Variants in PDE5A observed in about 807,000 individuals in gnomAD.
PDE5A encodes the protein cGMP-specific 3',5'-cyclic phosphodiesterase.
A neutral mutation model predicts 110.2 loss-of-function variants in PDE5A; 67 were observed. The observed-to-expected ratio is 0.61, with a 90% CI of 0.50 to 0.75. The LOEUF (loss-of-function observed/expected upper bound fraction) is 0.75. Ranked by LOEUF, PDE5A falls within the 30% of genes least tolerant of loss-of-function variation. The pLI is 0.00. For synonymous variants in PDE5A, 328 were observed against 351.2 expected (o/e 0.93, Z 0.74); for missense variants, 862 against 1,045.1 (o/e 0.82, Z 2.42).
At chr4:119,501,939 G>A (rs80223330) in intron 19 of PDE5A, among the ~76,000 whole-genome samples, 19,267 of 151,914 alleles carry the variant, frequency 0.13, 1,518 homozygotes, top group East Asian at 0.28. Context: ...ATTACAAACA[G>A]CACTGTGATA....
At chr4:119,585,045 G>A (rs13137618) in intron 3 of PDE5A, among the ~76,000 whole-genome samples, 115,307 of 152,044 alleles carry the variant, frequency 0.76, 44,055 homozygotes, top group East Asian at 0.89. Flanking sequence ...GGAGGCCGAG[G>A]TGGGCGGATC....
chr4:119,617,413 C>A (rs537412964), intron 1 of PDE5A, among the ~76,000 whole-genome samples: 20 of 152,232 alleles, frequency 1.3e-4, no homozygotes, highest in Non-Finnish European at 2.8e-4. Flanking sequence ...CGAAGGGTCT[C>A]CCTGTGGCAA....
chr4:119,544,589 C>T (rs2110488961), intron 9 of PDE5A, among the ~76,000 whole-genome samples: 1 of 152,322 alleles, frequency 6.6e-6, no homozygotes, highest in Admixed American at 6.5e-5. Context: ...TGCCCTTATC[C>T]TCACATCACA....
chr4:119,498,549 A>C lies in PDE5A; in HGVS notation c.*52T>G. Reference sequence around the variant, plus strand: ...AGACAGTGTGTAAGAAACTAGGCATATTGCAGAACACACCATCTCTGTAAA... The same window carrying C: ...AGACAGTGTGTAAGAAACTAGGCATCTTGCAGAACACACCATCTCTGTAAA... On this transcript the variant is annotated 3_prime_UTR_variant, in exon 21 of 21. Transcript: ENST00000354960. 6.2e-7 allele frequency: 1 copy of C among 1,602,808 alleles called. No individual in the cohort carries two copies. The highest frequency in any genetic ancestry group is 8.5e-7 in the Non-Finnish European group (1 of 1,170,978).
rs536393506 is a variant in PDE5A, at chr4:119,623,324, T to C, written c.152+5196A>G. On this transcript the variant is annotated intron_variant, in intron 1 of 20. Coordinates refer to ENST00000354960, the MANE Select transcript of PDE5A (RefSeq NM_001083.4). ...TCTGCATCCTAAATTCACAAATTAG[T>C]CATTTTTCAACCCTTCACTATCAAT... 3.9e-5 allele frequency among the ~76,000 whole-genome samples: 6 copies of C among 152,244 alleles called. No individual in the cohort carries two copies. In the South Asian group the frequency reaches 1.2e-3, roughly 31 times the overall value.
At chr4:119,507,938 C>A (rs1725611002) in intron 15 of PDE5A, among the ~76,000 whole-genome samples, 1 of 151,852 alleles carries the variant, frequency 6.6e-6, no homozygotes, top group African/African-American at 2.4e-5. Flanking sequence ...GTTTTTCCAA[C>A]TCTTATACTC....
At chr4:119,573,085 A>C (rs898941943) in intron 3 of PDE5A, among the ~76,000 whole-genome samples, 1 of 152,224 alleles carries the variant, frequency 6.6e-6, no homozygotes, top group African/African-American at 2.4e-5. Context: ...AGATCAATTC[A>C]TATAAATCTG....
intron 9 of PDE5A, among the ~76,000 whole-genome samples, chr4:119,547,413 T>A (rs1183745019): frequency 6.6e-6 from 1 of 151,948 alleles, no homozygotes; most frequent in Admixed American, 6.6e-5. Flanking sequence ...ATTTCATAAG[T>A]TTATTTTTTC....
Position 119,560,427 on chromosome 4 carries a change from A to G in PDE5A, c.1132-64T>C, listed in dbSNP as rs1578776562. On this transcript the variant is annotated intron_variant, in intron 6 of 20. Transcript: ENST00000354960. ...AAGGTAATGAAAACTATCTAGATAC[A>G]GACATACATGCTATGGAATTGACAA... 3.0e-6 allele frequency: 3 copies of G among 984,458 alleles called. No individual in the cohort carries two copies. In the East Asian group the frequency reaches 7.8e-5, roughly 26 times the overall value. 61.0% of individuals were successfully genotyped at this position (984,458 alleles called of 1,614,324 possible). A position where few individuals can be genotyped will look rare whatever the true frequency, so the allele number is the denominator to read the frequency against.
intron 1 of PDE5A, among the ~76,000 whole-genome samples, chr4:119,620,546 A>C (rs1219634848): frequency 6.6e-6 from 1 of 152,224 alleles, no homozygotes; most frequent in Non-Finnish European, 1.5e-5. Flanking sequence ...TTGGCTTTGC[A>C]GTTTAGATAT....
chr4:119,612,758 A>G (rs2110555647), intron 1 of PDE5A, among the ~76,000 whole-genome samples: 1 of 152,316 alleles, frequency 6.6e-6, no homozygotes, highest in East Asian at 1.9e-4. Flanking sequence ...TTGATCTTGG[A>G]CTTCCCAGCA....
intron 1 of PDE5A, among the ~76,000 whole-genome samples, chr4:119,611,722 T>G (rs1201257756): frequency 6.6e-6 from 1 of 152,236 alleles, no homozygotes; most frequent in Non-Finnish European, 1.5e-5. Flanking sequence ...GCATATTCAG[T>G]CAGTCAATCA....
chr4:119,507,151 TCTC>T (rs905001072), intron 16 of PDE5A, among the ~76,000 whole-genome samples: 2 of 151,954 alleles, frequency 1.3e-5, no homozygotes, highest in African/African-American at 4.8e-5. Context: ...TAAATATTCT[TCTC>T]CTGCCAAAAT....
intron 3 of PDE5A, among the ~76,000 whole-genome samples, chr4:119,587,606 G>T (rs1016640405): frequency 6.6e-6 from 1 of 152,016 alleles, no homozygotes; most frequent in East Asian, 1.9e-4. Context: ...GGATGGTCTC[G>T]ATCTCCTGAC....
chr4:119,574,263 A>G (rs1728246418), intron 3 of PDE5A, among the ~76,000 whole-genome samples: 2 of 142,870 alleles, frequency 1.4e-5, no homozygotes, highest in Admixed American at 7.5e-5. Context: ...GCTCACTGCA[A>G]CCTCTGGCTC....
At chr4:119,521,537 G>GTAA (rs1726128266) in intron 12 of PDE5A, among the ~76,000 whole-genome samples, 1 of 151,992 alleles carries the variant, frequency 6.6e-6, no homozygotes, top group Non-Finnish European at 1.5e-5. Context: ...ATCCGTGAAG[G>GTAA]TATTTAGTGC....
intron 1 of PDE5A, among the ~76,000 whole-genome samples, chr4:119,615,901 A>G (rs940076080): frequency 2.8e-4 from 43 of 152,198 alleles, no homozygotes; most frequent in Non-Finnish European, 5.6e-4. Context: ...AAAGAAAGCC[A>G]CAGCCATGGA....
intron 1 of PDE5A, chr4:119,628,219 G>C (rs1222330705): frequency 4.4e-6 from 1 of 227,006 alleles, no homozygotes; most frequent in African/African-American, 2.3e-5. Context: ...GAGGGGCTAG[G>C]GGAAGGCCCG....
intron 19 of PDE5A, 40 bp downstream of exon 19, chr4:119,502,541 A>T: frequency 8.2e-7 from 1 of 1,221,380 alleles, no homozygotes. Flanking sequence ...TAAAAAAAAA[A>T]CAATTTGAAT....
Sources: gnomAD v4.1 joint callset for allele counts (sites outside exome capture counted in the v4.1 genomes callset) on GRCh38, gnomAD v4.1.1 for gene constraint, MANE v1.5 for transcripts, NCBI Gene and HGNC (gene_info 2026-07-23, HGNC 2026-07-21) for gene names.